The following SCUBE1 variants were observed in gnomAD, a reference collection of about 807,000 sequenced individuals.
SCUBE1 encodes signal peptide, CUB domain and EGF like domain containing 1.
A neutral mutation model predicts 124.4 loss-of-function variants in SCUBE1; 59 were observed. That is an observed-to-expected ratio of 0.47 (90% confidence interval 0.38 to 0.59). The LOEUF (loss-of-function observed/expected upper bound fraction) is 0.59, where lower values mean the gene tolerates loss of function less well. Among genes scored for constraint, SCUBE1 ranks in the 20% least tolerant of loss-of-function variants. SCUBE1 has a pLI of 0.00. For synonymous variants in SCUBE1, 545 were observed against 550.9 expected (o/e 0.99, Z 0.15); for missense variants, 1,150 against 1,371.2 (o/e 0.84, Z 2.55).
intron 4 of SCUBE1, among the ~76,000 whole-genome samples, chr22:43,280,653 T>TC (rs1038905261): frequency 6.8e-5 from 10 of 147,968 alleles, no homozygotes; most frequent in South Asian, 2.2e-4. Flanking sequence ...CCTACCAACT[T>TC]CCCCTATCAG....
intron 19 of SCUBE1, among the ~76,000 whole-genome samples, chr22:43,208,752 TC>T (rs1358416761): frequency 1.5e-4 from 23 of 152,174 alleles, no homozygotes; most frequent in African/African-American, 5.1e-4. Flanking sequence ...GAGGAGGAAA[TC>T]AGGAGCCGAG....
intron 3 of SCUBE1, among the ~76,000 whole-genome samples, chr22:43,296,227 G>C (rs1311563075): frequency 6.6e-6 from 1 of 152,230 alleles, no homozygotes; most frequent in Non-Finnish European, 1.5e-5. Flanking sequence ...CCAACTAGCA[G>C]GGGGACAGTC....
At chr22:43,209,016 GA>G (rs1237913251) in intron 19 of SCUBE1, among the ~76,000 whole-genome samples, 1 of 151,918 alleles carries the variant, frequency 6.6e-6, no homozygotes, top group African/African-American at 2.4e-5. Context: ...GGGGGCAGGG[GA>G]ACGGGTGAGG....
chr22:43,309,805 C>G (rs1191587147), intron 3 of SCUBE1, among the ~76,000 whole-genome samples: 1 of 152,052 alleles, frequency 6.6e-6, no homozygotes, highest in Non-Finnish European at 1.5e-5. Flanking sequence ...AGTTTTGACT[C>G]TCTTCTCCCT....
At chr22:43,310,924 G>A (rs112026502) in intron 3 of SCUBE1, among the ~76,000 whole-genome samples, 2,086 of 152,178 alleles carry the variant, frequency 0.014, 49 homozygotes, top group African/African-American at 0.047. Flanking sequence ...GGCCACTGGC[G>A]CACACCTCCA....
chr22:43,246,741 G>A (rs530367659), intron 6 of SCUBE1, among the ~76,000 whole-genome samples: 4 of 152,340 alleles, frequency 2.6e-5, no homozygotes, highest in South Asian at 4.1e-4. Flanking sequence ...GGGCTGCCCC[G>A]GAGATGTGGC....
chr22:43,300,645 T>C (rs1048777808), intron 3 of SCUBE1, among the ~76,000 whole-genome samples: 5 of 152,148 alleles, frequency 3.3e-5, no homozygotes, highest in Non-Finnish European at 7.3e-5. Flanking sequence ...TTACCAGATA[T>C]ATGATTGGCA....
At chr22:43,299,548 C>T (rs1307710265) in intron 3 of SCUBE1, among the ~76,000 whole-genome samples, 1 of 152,158 alleles carries the variant, frequency 6.6e-6, no homozygotes, top group Non-Finnish European at 1.5e-5. Context: ...CAGAGCTGTG[C>T]ACATGGTCTG....
chr22:43,214,872 A>C (rs1921741512), intron 15 of SCUBE1, among the ~76,000 whole-genome samples: 1 of 152,114 alleles, frequency 6.6e-6, no homozygotes, highest in Non-Finnish European at 1.5e-5. Flanking sequence ...CGAGTTTCTC[A>C]GTGCTGGAGA....
chr22:43,218,559 G>A (rs1921941561), intron 14 of SCUBE1, 101 bp from the exon 15 acceptor site: 6 of 1,215,030 alleles, frequency 4.9e-6, no homozygotes, highest in South Asian at 1.3e-5. Context: ...CACTGGGCTC[G>A]GACCTCCTCA....
chr22:43,316,697 G>C (rs1473052048), intron 3 of SCUBE1: 3 of 152,202 alleles, frequency 2.0e-5, no homozygotes, highest in African/African-American at 7.2e-5. Context: ...CCCCAACCTT[G>C]GAGGTTCCAC....
rs181364142 is a variant in SCUBE1, at chr22:43,293,192, C to A, written c.350-2012G>T. Among the ~76,000 whole-genome samples the A allele has an allele frequency of 2.6e-5, 4 of 152,368 alleles. No homozygotes were observed. The East Asian group carries it at 5.8e-4, about 22-fold the overall frequency. ...GACCATGAAAAGCACCAAGCCAGGCCCCGTGTCCTACTCATCCTGCTAACA... is the reference window on the plus strand; with the variant it reads ...GACCATGAAAAGCACCAAGCCAGGCACCGTGTCCTACTCATCCTGCTAACA... On this transcript the variant is annotated intron_variant, in intron 3 of 21. Coordinates refer to ENST00000360835, the MANE Select transcript of SCUBE1 (RefSeq NM_173050.5).
At chr22:43,267,924 T>C (rs1924137976) in intron 4 of SCUBE1, among the ~76,000 whole-genome samples, 1 of 152,188 alleles carries the variant, frequency 6.6e-6, no homozygotes, top group Non-Finnish European at 1.5e-5. Context: ...AGGTGAACCC[T>C]GAGGCACGTG....
intron 5 of SCUBE1, among the ~76,000 whole-genome samples, chr22:43,261,335 G>T (rs758299544): frequency 6.6e-6 from 1 of 152,228 alleles, no homozygotes; most frequent in Non-Finnish European, 1.5e-5. Flanking sequence ...ACAGTATACA[G>T]GCTTATCTTG....
At chr22:43,269,721 G>T (rs1364080624) in intron 4 of SCUBE1, among the ~76,000 whole-genome samples, 1 of 152,170 alleles carries the variant, frequency 6.6e-6, no homozygotes, top group Non-Finnish European at 1.5e-5. Context: ...AGCCTTGGGG[G>T]TGGCAGGGGG....
rs5751477 is a variant in SCUBE1 at position 43,305,074 on chromosome 22, G to A, written c.350-13894C>T. On this transcript the variant is annotated intron_variant, in intron 3 of 21. Coordinates refer to ENST00000360835, the MANE Select transcript of SCUBE1 (RefSeq NM_173050.5). ...TCACCCCCACTGCCCGCACTGTCCC[G>A]GGCTTTCATTCCATTCCATCTTGGC... Among the ~76,000 whole-genome samples the A allele has an allele frequency of 0.025, 3,738 of 152,166 alleles. 274 individuals carry two copies. The East Asian group carries it at 0.28, about 12-fold the overall frequency.
At chr22:43,325,946 T>A (rs78398164) in intron 2 of SCUBE1, among the ~76,000 whole-genome samples, 2 of 151,714 alleles carry the variant, frequency 1.3e-5, no homozygotes, top group African/African-American at 4.8e-5. Flanking sequence ...TTTTTTTTTT[T>A]AATCATTTAA....
At chr22:43,207,435 T>A in intron 21 of SCUBE1, 99 bp downstream of exon 21, 1 of 904,992 alleles carries the variant, frequency 1.1e-6, no homozygotes, top group Non-Finnish European at 1.8e-6. Flanking sequence ...CCACCCTCCC[T>A]TGCTCCTCCA....
chr22:43,306,286 C>A (rs1166135423), intron 3 of SCUBE1, among the ~76,000 whole-genome samples: 1 of 152,182 alleles, frequency 6.6e-6, no homozygotes, highest in Non-Finnish European at 1.5e-5. Context: ...GGAGCCTTCA[C>A]AAGACACTTA....
Sources: gnomAD v4.1 joint callset for allele counts (sites outside exome capture counted in the v4.1 genomes callset) on GRCh38, gnomAD v4.1.1 for gene constraint, MANE v1.5 for transcripts, NCBI Gene and HGNC (gene_info 2026-07-23, HGNC 2026-07-21) for gene names.